PTPRM: variants seen among roughly 807,000 people sequenced by gnomAD.
PTPRM encodes receptor-type tyrosine-protein phosphatase mu.
Under a neutral mutation model 186.7 loss-of-function variants are expected in PTPRM, and 47 were observed. The ratio of observed to expected loss-of-function variants is 0.25; its 90% confidence interval spans 0.20 to 0.32. The LOEUF (loss-of-function observed/expected upper bound fraction) is 0.32, where lower values mean the gene tolerates loss of function less well. Among genes scored for constraint, PTPRM ranks in the 10% least tolerant of loss-of-function variants. The pLI is 1.00. For missense variants in PTPRM, 1,494 were observed against 1,865.0 expected, an observed-to-expected ratio of 0.80 and a Z score of 3.66; for synonymous variants, 668 against 674.9, an observed-to-expected ratio of 0.99 and a Z score of 0.16.
chr18:8,311,420 G>C (rs1190477303), intron 20 of PTPRM, among the ~76,000 whole-genome samples: 1 of 152,204 alleles, frequency 6.6e-6, no homozygotes, highest in East Asian at 1.9e-4. Context: ...TTCAATCCTT[G>C]TTGCTCACTT....
intron 2 of PTPRM, among the ~76,000 whole-genome samples, chr18:7,825,704 A>T (rs997255535): frequency 2.6e-5 from 4 of 152,056 alleles, no homozygotes; most frequent in African/African-American, 9.7e-5. Flanking sequence ...AGTAAGCACC[A>T]CCCTAAGCCC....
intron 2 of PTPRM, among the ~76,000 whole-genome samples, chr18:7,856,879 C>T (rs193139383): frequency 6.6e-5 from 10 of 152,228 alleles, no homozygotes; most frequent in Middle Eastern, 3.4e-3. Context: ...GATGCAGAGG[C>T]GGTACTCACC....
chr18:8,346,939 G>A (rs1004295954), intron 23 of PTPRM, among the ~76,000 whole-genome samples: 2 of 152,120 alleles, frequency 1.3e-5, no homozygotes, highest in Non-Finnish European at 2.9e-5. Flanking sequence ...AGAGTACCTC[G>A]CCATAGTGTC....
intron 22 of PTPRM, among the ~76,000 whole-genome samples, chr18:8,331,671 C>T (rs1348502587): frequency 3.3e-5 from 5 of 152,194 alleles, no homozygotes. Context: ...AAAGCTGATA[C>T]ATCCTACACC....
intron 5 of PTPRM, among the ~76,000 whole-genome samples, chr18:7,934,648 T>A (rs767348422): frequency 3.5e-4 from 54 of 152,370 alleles, no homozygotes; most frequent in Non-Finnish European, 6.6e-4. Context: ...AACACTGCTA[T>A]GTGCTAGTTA....
At chr18:7,649,522 AG>A (rs1337211745) in intron 1 of PTPRM, among the ~76,000 whole-genome samples, 1 of 152,198 alleles carries the variant, frequency 6.6e-6, no homozygotes, top group Non-Finnish European at 1.5e-5. Context: ...TCATGGGAGG[AG>A]GTGAACATAT....
chr18:8,084,348 C>T (rs553833843), intron 9 of PTPRM, among the ~76,000 whole-genome samples: 186 of 152,278 alleles, frequency 1.2e-3, no homozygotes, highest in African/African-American at 4.2e-3. Flanking sequence ...ACAGCGGTTA[C>T]ATCGCTGACG....
chr18:7,919,207 A>G (rs564295050), intron 4 of PTPRM, among the ~76,000 whole-genome samples: 1 of 152,092 alleles, frequency 6.6e-6, no homozygotes, highest in Admixed American at 6.5e-5. Context: ...TTTATACTAC[A>G]TTTTGAAATC....
At position 8,094,511 on chromosome 18, in the gene PTPRM, T is replaced by C. The variant is rs556711171; in HGVS notation, c.1856+5660T>C. Reference sequence around the variant, plus strand: ...ACTTTGGGAGGCCAAGGTTGGAGGATTGCTTGAGCCTGGGAGTGCAAGACC... The same window carrying C: ...ACTTTGGGAGGCCAAGGTTGGAGGACTGCTTGAGCCTGGGAGTGCAAGACC... On this transcript the variant is annotated intron_variant, in intron 11 of 32. Coordinates refer to ENST00000580170, the MANE Select transcript of PTPRM (RefSeq NM_001105244.2). Among the ~76,000 whole-genome samples, 6 of 152,292 alleles carry C rather than the reference T, an allele frequency of 3.9e-5. No individual in the cohort carries two copies. In the East Asian group the frequency reaches 9.6e-4, roughly 24 times the overall value.
At chr18:8,252,999 A>T (rs551742837) in intron 18 of PTPRM, among the ~76,000 whole-genome samples, 3 of 152,232 alleles carry the variant, frequency 2.0e-5, no homozygotes, top group African/African-American at 7.2e-5. Flanking sequence ...TGAAAGCAAT[A>T]TATCGTTTGG....
chr18:8,287,994 C>G (rs1317715436), intron 19 of PTPRM, among the ~76,000 whole-genome samples: 1 of 152,150 alleles, frequency 6.6e-6, no homozygotes, highest in African/African-American at 2.4e-5. Context: ...AGGGGCAGAT[C>G]CAAGTTCCAG....
intron 2 of PTPRM, among the ~76,000 whole-genome samples, chr18:7,801,817 G>A (rs2043985916): frequency 6.6e-6 from 1 of 152,162 alleles, no homozygotes; most frequent in South Asian, 2.1e-4. Context: ...TGTACATGTA[G>A]TCCATCATTG....
chr18:7,844,257 C>A (rs1340333956), intron 2 of PTPRM, among the ~76,000 whole-genome samples: 1 of 152,172 alleles, frequency 6.6e-6, no homozygotes, highest in Non-Finnish European at 1.5e-5. Context: ...CATAAGAATT[C>A]ACATCATATG....
chr18:7,725,068 G>A (rs750351094), intron 1 of PTPRM, among the ~76,000 whole-genome samples: 24 of 152,188 alleles, frequency 1.6e-4, no homozygotes, highest in Non-Finnish European at 2.6e-4. Context: ...AGGGTCTTCA[G>A]TAGTGACACA....
intron 7 of PTPRM, among the ~76,000 whole-genome samples, chr18:7,990,200 T>G (rs531676717): frequency 1.6e-4 from 24 of 152,216 alleles, no homozygotes; most frequent in Non-Finnish European, 3.5e-4. Flanking sequence ...CACTGCACCC[T>G]GACCACTCCT....
At chr18:8,383,047 C>T (rs1161798386) in intron 29 of PTPRM, among the ~76,000 whole-genome samples, 3 of 152,002 alleles carry the variant, frequency 2.0e-5, no homozygotes, top group Admixed American at 2.0e-4. Context: ...CACCAGTAAT[C>T]CCAGCACTTT....
chr18:7,752,991 G>T (rs768344339), intron 1 of PTPRM, among the ~76,000 whole-genome samples: 1 of 152,006 alleles, frequency 6.6e-6, no homozygotes, highest in Non-Finnish European at 1.5e-5. Flanking sequence ...TAATGATTTG[G>T]GGGGAGGGGC....
intron 14 of PTPRM, among the ~76,000 whole-genome samples, chr18:8,230,523 G>A (rs1401365371): frequency 6.6e-6 from 1 of 152,164 alleles, no homozygotes; most frequent in Non-Finnish European, 1.5e-5. Context: ...AAGTTCTCTA[G>A]CCATGTGGCC....
intron 7 of PTPRM, among the ~76,000 whole-genome samples, chr18:8,004,545 G>A (rs546382839): frequency 6.6e-6 from 1 of 151,974 alleles, no homozygotes; most frequent in African/African-American, 2.4e-5. Flanking sequence ...AGTATTACTT[G>A]CAGCCCCCAG....
Sources: allele counts gnomAD v4.1 joint callset (sites outside exome capture counted in the v4.1 genomes callset), GRCh38; gene constraint gnomAD v4.1.1; transcripts MANE v1.5; gene names NCBI Gene and HGNC (gene_info 2026-07-23, HGNC 2026-07-21).